The following NEXN variants were observed in gnomAD, a reference collection of about 807,000 sequenced individuals.
The protein encoded by NEXN is nexilin F-actin binding protein, also known as nexilin.
A neutral mutation model predicts 92.6 loss-of-function variants in NEXN; 65 were observed. That is an observed-to-expected ratio of 0.70 (90% CI 0.57 to 0.86). The LOEUF is 0.86. Among genes scored for constraint, NEXN ranks in the 40% least tolerant of loss-of-function variants. NEXN has a pLI of 0.00. For synonymous variants in NEXN, 254 were observed against 242.5 expected, an observed-to-expected ratio of 1.05 and a Z score of -0.44; for missense variants, 778 against 771.1, an observed-to-expected ratio of 1.01 and a Z score of -0.11.
intron 10 of NEXN, 47 bp from the exon 11 acceptor site, chr1:77,935,776 G>A (rs760717281): frequency 1.3e-6 from 2 of 1,538,864 alleles, no homozygotes; most frequent in Non-Finnish European, 1.8e-6. Context: ...AACATAGTGA[G>A]ACTCTCTCAA....
chr1:77,942,857 ATTT>A lies in NEXN; in HGVS notation c.*35_*37del, dbSNP rs746764305. On this transcript the variant is annotated 3_prime_UTR_variant, in exon 13 of 13. Transcript: ENST00000334785. ...ACTCTTTTTATCTTTTATTCTATTA[ATTT>A]TTTTTTCCTTAAAATCACTTTTCTT... 2.6e-6 allele frequency: 4 copies of A among 1,559,566 alleles called. No individual in the cohort carries two copies. The highest frequency in any genetic ancestry group is 3.5e-6 in the Non-Finnish European group (4 of 1,145,818).
chr1:77,928,460 G>A (rs2102130478), intron 8 of NEXN, among the ~76,000 whole-genome samples: 1 of 151,574 alleles, frequency 6.6e-6, no homozygotes, highest in South Asian at 2.1e-4. Flanking sequence ...TATTACTCGG[G>A]TATAGCTGCA....
At chr1:77,909,322 A>C (rs930996428) in intron 1 of NEXN, among the ~76,000 whole-genome samples, 1 of 152,206 alleles carries the variant, frequency 6.6e-6, no homozygotes, top group Non-Finnish European at 1.5e-5. Context: ...TGGGAGGCTG[A>C]GGCAGAAGAA....
At chr1:77,935,669 TGA>T (rs1183253929) in intron 10 of NEXN, among the ~76,000 whole-genome samples, 152 bp from the exon 11 acceptor site, 1 of 152,198 alleles carries the variant, frequency 6.6e-6, no homozygotes, top group Non-Finnish European at 1.5e-5. Context: ...CTTTTTTTTT[TGA>T]GTCACACATG....
chr1:77,934,512 G>A (rs942598371), intron 10 of NEXN, among the ~76,000 whole-genome samples: 2 of 152,182 alleles, frequency 1.3e-5, no homozygotes, highest in Non-Finnish European at 1.5e-5. Flanking sequence ...CTGATTGGAC[G>A]ATGAAGCATG....
chr1:77,942,458 CAGAAA>C lies in NEXN; in HGVS notation c.1661_1665del (p.Lys554ArgfsTer9). 1 of 1,612,768 alleles carries C rather than the reference CAGAAA, an allele frequency of 6.2e-7. No individual in the cohort carries two copies. Among genetic ancestry groups the C allele is most frequent in the Non-Finnish European group, 8.5e-7 (1 of 1,179,252 alleles). On this transcript the variant is annotated splice_acceptor_variant and coding_sequence_variant, in exon 13 of 13. Coordinates refer to ENST00000334785, the MANE Select transcript of NEXN (RefSeq NM_144573.4). LOFTEE classifies it high-confidence loss of function. ...CAACCTGAATGCATTTATTTTAATA[CAGAAA>C]AGAGAAGAGGAGGAGGAGGAAGAAG... is the stretch of plus-strand genomic sequence containing the variant.
At chr1:77,933,783 T>C (rs1650507211) in intron 10 of NEXN, among the ~76,000 whole-genome samples, 1 of 152,144 alleles carries the variant, frequency 6.6e-6, no homozygotes, top group Admixed American at 6.5e-5. Context: ...ATATAGACTA[T>C]ACAGTGCCAG....
At chr1:77,908,394 A>ATTTTT (rs34361411) in intron 1 of NEXN, among the ~76,000 whole-genome samples, 4 of 36,302 alleles carry the variant, frequency 1.1e-4, no homozygotes, top group Non-Finnish European at 2.0e-4. Flanking sequence ...CCCTACCTCT[A>ATTTTT]TTTTTTTTTT....
chr1:77,911,289 A>C (rs1454390813), intron 1 of NEXN, among the ~76,000 whole-genome samples: 1 of 152,200 alleles, frequency 6.6e-6, no homozygotes, highest in East Asian at 1.9e-4. Flanking sequence ...ATCAGTCAAA[A>C]CATAGTCAAA....
chr1:77,908,466 T>C (rs1571092423), intron 1 of NEXN, among the ~76,000 whole-genome samples: 1 of 147,416 alleles, frequency 6.8e-6, no homozygotes, highest in East Asian at 2.1e-4. Flanking sequence ...AATGGTGCGA[T>C]CTCAGCTTAC....
chr1:77,941,923 C>T (rs975187039), intron 11 of NEXN, 100 bp from the exon 12 acceptor site: 1 of 1,186,800 alleles, frequency 8.4e-7, no homozygotes, highest in Non-Finnish European at 1.2e-6. Flanking sequence ...GCATTATAAA[C>T]ATGTTAATCA....
rs758847290 is a variant in NEXN, at chr1:77,933,431, A to G, written c.1203A>G (p.Leu401=). 6.2e-7 allele frequency: 1 copy of G among 1,613,568 alleles called. No individual in the cohort carries two copies. The highest frequency in any genetic ancestry group is 8.5e-7 in the Non-Finnish European group (1 of 1,179,652). Residue 401 remains leucine (L), a synonymous_variant, in exon 10 of 13, where the codon CTA becomes CTG. Transcript: ENST00000334785. The part of the protein sequence containing the change: ...RRTEEERKHK[L]EMEKQEFEQL... ...CAGAGGAGGAACGGAAGCATAAGCT[A>G]GAAATGGAGAAACAAGAATTTGAAC...
chr1:77,929,481 T>C lies in NEXN; in HGVS notation c.1030T>C (p.Phe344Leu), dbSNP rs748406664. 6.2e-7 allele frequency: 1 copy of C among 1,612,820 alleles called. No homozygotes were observed. Among genetic ancestry groups the C allele is most frequent in the Non-Finnish European group, 8.5e-7 (1 of 1,179,856 alleles). The part of the protein sequence containing the change: ...RRRIEEEKKA[F>L]AEARRNMVVD... ...GAGAATAGAGGAAGAAAAGAAGGCG[T>C]TTGCTGAAGCAAGGAGAAATATGGT... Residue 344 changes from phenylalanine to leucine, a missense_variant, in exon 9 of 13, where the codon TTT (phenylalanine) becomes CTT (leucine). Phe to Leu is a conservative substitution (Grantham distance 22, BLOSUM62 0). Coordinates refer to ENST00000334785, the MANE Select transcript of NEXN (RefSeq NM_144573.4).
intron 5 of NEXN, among the ~76,000 whole-genome samples, chr1:77,918,781 G>T (rs1225662117): frequency 1.3e-5 from 2 of 151,896 alleles, no homozygotes; most frequent in Admixed American, 6.6e-5. Flanking sequence ...GTAGAATAGT[G>T]AGATGATTTG....
intron 5 of NEXN, among the ~76,000 whole-genome samples, chr1:77,920,646 T>TG (rs1395145665): frequency 3.5e-5 from 3 of 85,394 alleles, no homozygotes. Context: ...AAAAAAATGG[T>TG]GGGGGGTGGG....
rs1649090641 is a variant in NEXN, at chr1:77,917,749, A to C, written c.211A>C (p.Lys71Gln). 1 of 1,604,926 alleles carries C rather than the reference A, an allele frequency of 6.2e-7. No individual in the cohort carries two copies. The highest frequency in any genetic ancestry group is 8.5e-7 in the Non-Finnish European group (1 of 1,172,350). Residue 71 changes from lysine to glutamine, a missense_variant, in exon 3 of 13, where the codon AAG (lysine) becomes CAG (glutamine). Coordinates refer to ENST00000334785, the MANE Select transcript of NEXN (RefSeq NM_144573.4). ...TAGAGAGAGAGAATGGAACAGGAGA[A>C]AGCAGGAGGTTATTTTATTTTACTT... ...YIREREWNRR[K>Q]QEIKEMLASD...
intron 1 of NEXN, among the ~76,000 whole-genome samples, chr1:77,890,805 A>G (rs969862501): frequency 6.6e-6 from 1 of 152,186 alleles, no homozygotes; most frequent in Non-Finnish European, 1.5e-5. Context: ...GAAAGAAAAT[A>G]ATGCAGTGAA....
intron 1 of NEXN, among the ~76,000 whole-genome samples, chr1:77,892,711 T>G (rs1647135517): frequency 6.6e-6 from 1 of 152,182 alleles, no homozygotes; most frequent in African/African-American, 2.4e-5. Flanking sequence ...GAGAAGAGAT[T>G]AGCATTCATT....
chr1:77,913,889 A>G (rs1484976137), intron 1 of NEXN, among the ~76,000 whole-genome samples: 1 of 152,226 alleles, frequency 6.6e-6, no homozygotes, highest in Non-Finnish European at 1.5e-5. Flanking sequence ...AGGTAATAGA[A>G]TATTATTCAG....
Sources: gnomAD v4.1 joint callset for allele counts (sites outside exome capture counted in the v4.1 genomes callset) on GRCh38, gnomAD v4.1.1 for gene constraint, MANE v1.5 for transcripts, NCBI Gene and HGNC (gene_info 2026-07-23, HGNC 2026-07-21) for gene names.